SLC4A8: variants seen among roughly 807,000 people sequenced by gnomAD.
SLC4A8 encodes electroneutral sodium bicarbonate exchanger 1.
In SLC4A8, 40 loss-of-function variants were observed where a neutral mutation model predicts 125.0. The ratio of observed to expected loss-of-function variants is 0.32; its 90% CI spans 0.25 to 0.42. The LOEUF is 0.42. SLC4A8 is among the 10% of genes least tolerant of loss of function. SLC4A8 has a pLI of 1.00. For missense variants in SLC4A8, 863 were observed against 1,355.1 expected (o/e 0.64, Z 5.70); for synonymous variants, 456 against 476.0 (o/e 0.96, Z 0.55).
chr12:51,475,833 C>T (rs1416731103), intron 16 of SLC4A8, among the ~76,000 whole-genome samples: 1 of 152,108 alleles, frequency 6.6e-6, no homozygotes, highest in African/African-American at 2.4e-5. Flanking sequence ...TGAAAGGGAA[C>T]TTGAGAAGGT....
intron 9 of SLC4A8, 130 bp downstream of exon 9, chr12:51,461,421 G>A: frequency 1.6e-6 from 1 of 620,734 alleles, no homozygotes; most frequent in Admixed American, 2.3e-5. Flanking sequence ...AAGTAGTTCA[G>A]GGTACTTCTC....
At chr12:51,424,728 C>G (rs566953575), upstream of SLC4A8, 2,019 of 461,102 alleles carry the variant, frequency 4.4e-3, 19 homozygotes, top group South Asian at 0.015. Context: ...GGCTCCTCCC[C>G]CTCCCCGCGG....
At position 51,424,996 on chromosome 12, in the gene SLC4A8, C is replaced by T; in HGVS notation, c.9C>T (p.Ala3=). MP[A]AGSNEPDGVL... ...CCTAGTTCGGCTCCGCCATGCCGGC[C>T]GCCGGGAGTAACGAGCCGGACGGCG... is the stretch of plus-strand genomic sequence containing the variant. Residue 3 remains alanine, a synonymous_variant, in exon 1 of 25, where the codon GCC becomes GCT. Transcript: ENST00000453097. 1.3e-6 allele frequency: 2 copies of T among 1,555,278 alleles called. No individual in the cohort carries two copies. The highest frequency in any genetic ancestry group is 2.7e-5 in the African/African-American group (2 of 73,354).
At chr12:51,435,124 G>A (rs938899788) in intron 1 of SLC4A8, among the ~76,000 whole-genome samples, 3 of 152,166 alleles carry the variant, frequency 2.0e-5, no homozygotes, top group African/African-American at 7.2e-5. Flanking sequence ...TTAGAGGCTT[G>A]ATCAGATTCA....
rs769123477 is a variant in SLC4A8 at position 51,512,604 on chromosome 12, A to C, written c.*5166A>C. On this transcript the variant is annotated 3_prime_UTR_variant, in exon 25 of 25. Transcript: ENST00000453097. ...AGTCAAGGTGGGCAGTGTTTGGGGT[A>C]GGAAATGAGTAGTGGTGAAGCAGCA... 1 of 152,296 alleles carries C rather than the reference A, an allele frequency of 6.6e-6. No homozygotes were observed. Among genetic ancestry groups the C allele is most frequent in the Non-Finnish European group, 1.5e-5 (1 of 68,208 alleles). The allele number at this position is 152,296 out of a possible 1,614,324, so 9.4% of individuals were successfully genotyped here. A position where few individuals can be genotyped will look rare whatever the true frequency, so the allele number is the denominator to read the frequency against.
chr12:51,474,378 C>T lies in SLC4A8; in HGVS notation c.1941C>T (p.His647=), dbSNP rs1435483923. 2 of 1,601,638 alleles carry T rather than the reference C, an allele frequency of 1.2e-6. No individual in the cohort carries two copies. Among genetic ancestry groups the T allele is most frequent in the Non-Finnish European group, 1.7e-6 (2 of 1,170,104 alleles). ...CTCTGCCAGAGAATCCAAACAATCA[C>T]ACCCTCCAGTACTGGAAGGACCACA... ...RCTLPENPNN[H]TLQYWKDHNI... The change falls in exon 15 of 25, where the codon CAC becomes CAT. Residue 647 remains histidine, a synonymous_variant. Transcript: ENST00000453097.
At chr12:51,455,854 C>T (rs1950132274) in intron 5 of SLC4A8, among the ~76,000 whole-genome samples, 2 of 152,112 alleles carry the variant, frequency 1.3e-5, no homozygotes, top group African/African-American at 4.8e-5. Flanking sequence ...TCATTGGAGT[C>T]ACATTTTGCT....
In SLC4A8 at chr12:51,416,001, C is replaced by T. The variant is rs182327144; in HGVS notation, c.-112+24513C>T. Among the ~76,000 whole-genome samples the T allele has an allele frequency of 2.0e-4, 31 of 151,770 alleles. No individual in the cohort carries two copies. The East Asian group carries it at 5.6e-3, about 27-fold the overall frequency. On this transcript the variant is annotated intron_variant, in intron 1 of 24. Transcript: ENST00000358657. ...TCACTATTACCAAAAGGTAAGAGTA[C>T]GACCTCTACTCTCTTCCTTTTTTTT...
intron 1 of SLC4A8, among the ~76,000 whole-genome samples, chr12:51,410,662 G>C (rs540915391): frequency 6.6e-6 from 1 of 152,128 alleles, no homozygotes; most frequent in East Asian, 1.9e-4. Flanking sequence ...GTTTCACCAT[G>C]TTGGCCAGGC....
chr12:51,397,336 G>A (rs891978359), intron 1 of SLC4A8, among the ~76,000 whole-genome samples: 4 of 152,196 alleles, frequency 2.6e-5, no homozygotes, highest in Admixed American at 1.3e-4. Context: ...AGTTAGTTTT[G>A]AAAATATGAC....
chr12:51,463,104 T>A (rs1490428717), intron 10 of SLC4A8, among the ~76,000 whole-genome samples: 1 of 152,116 alleles, frequency 6.6e-6, no homozygotes, highest in Non-Finnish European at 1.5e-5. Context: ...GAATGTCTGA[T>A]ATTTTTCTGA....
At chr12:51,391,455 G>C (rs1948101475) in exon 1 of SLC4A8, 2 of 156,120 alleles carry the variant, frequency 1.3e-5, no homozygotes, top group Admixed American at 1.3e-4. Context: ...TAGTGAGGAG[G>C]AAGAGGAAGA....
chr12:51,514,202 TC>T lies in SLC4A8; in HGVS notation c.*6766del, dbSNP rs991794888. ...TAAACAGTTGTCTTTGCCAATTTGT[TC>T]CTGGATTTTCCTTGAACTTCTCAGG... On this transcript the variant is annotated 3_prime_UTR_variant, in exon 25 of 25. Transcript: ENST00000453097. The T allele has an allele frequency of 2.0e-5, 3 of 152,652 alleles. No homozygotes were observed. Among genetic ancestry groups the T allele is most frequent in the African/African-American group, 7.2e-5 (3 of 41,448 alleles). The allele number at this position is 152,652 out of a possible 1,614,324, so 9.5% of individuals were successfully genotyped here. A position where few individuals can be genotyped will look rare whatever the true frequency, so the allele number is the denominator to read the frequency against.
intron 24 of SLC4A8, 91 bp from the exon 25 acceptor site, chr12:51,507,335 C>A: frequency 3.6e-6 from 3 of 832,896 alleles, no homozygotes; most frequent in East Asian, 3.0e-5. Context: ...ATAGCCAGAT[C>A]CAAATTGTGG....
chr12:51,466,184 C>T (rs1463596362), intron 11 of SLC4A8, among the ~76,000 whole-genome samples: 1 of 152,080 alleles, frequency 6.6e-6, no homozygotes, highest in African/African-American at 2.4e-5. Context: ...AGATCTTAAA[C>T]CTCCCTGATA....
intron 1 of SLC4A8, among the ~76,000 whole-genome samples, chr12:51,409,210 G>A (rs1465817971): frequency 6.6e-6 from 1 of 151,940 alleles, no homozygotes; most frequent in Non-Finnish European, 1.5e-5. Flanking sequence ...ATAAAATTGA[G>A]TTTTTCCTAC....
intron 1 of SLC4A8, among the ~76,000 whole-genome samples, chr12:51,428,631 C>A (rs1949086070): frequency 6.6e-6 from 1 of 152,212 alleles, no homozygotes; most frequent in African/African-American, 2.4e-5. Flanking sequence ...TCGTCACTCA[C>A]TCTCCCCTGC....
intron 11 of SLC4A8, among the ~76,000 whole-genome samples, chr12:51,468,682 C>A (rs1394491410): frequency 1.3e-5 from 2 of 152,184 alleles, no homozygotes; most frequent in Non-Finnish European, 2.9e-5. Flanking sequence ...ATGGTGTGAA[C>A]CCAGGAGGCG....
intron 21 of SLC4A8, among the ~76,000 whole-genome samples, chr12:51,496,460 T>C (rs1049191292): frequency 3.9e-5 from 6 of 152,174 alleles, no homozygotes; most frequent in African/African-American, 7.2e-5. Context: ...AGTTTCCTCA[T>C]TTATAAAGCG....
Sources: allele counts gnomAD v4.1 joint callset (sites outside exome capture counted in the v4.1 genomes callset), GRCh38; gene constraint gnomAD v4.1.1; transcripts MANE v1.5; gene names NCBI Gene and HGNC (gene_info 2026-07-23, HGNC 2026-07-21).